Variants in UNC13B observed in about 807,000 individuals in gnomAD.
UNC13B encodes the protein unc-13 homolog B.
Under a neutral mutation model 211.0 loss-of-function variants are expected in UNC13B, and 144 were observed. That is an observed-to-expected ratio of 0.68 (90% confidence interval 0.60 to 0.78). The LOEUF (loss-of-function observed/expected upper bound fraction) is 0.78. UNC13B is among the 30% of genes least tolerant of loss of function. UNC13B has a pLI of 0.00. For missense variants in UNC13B, 1,777 were observed against 2,002.0 expected, an observed-to-expected ratio of 0.89 and a Z score of 2.14; for synonymous variants, 709 against 725.8, an observed-to-expected ratio of 0.98 and a Z score of 0.37.
At chr9:35,362,614 C>A (rs1178001675) in intron 11 of UNC13B, among the ~76,000 whole-genome samples, 1 of 152,076 alleles carries the variant, frequency 6.6e-6, no homozygotes, top group Non-Finnish European at 1.5e-5. Flanking sequence ...TCAAGACCAT[C>A]CTGGCTAACA....
intron 11 of UNC13B, among the ~76,000 whole-genome samples, chr9:35,330,463 C>T (rs138557895): frequency 7.2e-5 from 11 of 152,178 alleles, no homozygotes; most frequent in African/African-American, 2.4e-4. Context: ...GGATCTAGGC[C>T]ACCAGGTCTC....
chr9:35,184,198 C>T (rs139668256), intron 1 of UNC13B, among the ~76,000 whole-genome samples: 27,799 of 144,810 alleles, frequency 0.19, 2,831 homozygotes, highest in Non-Finnish European at 0.25. Flanking sequence ...ACAGGGCGGC[C>T]GGGCAGAGGC....
chr9:35,236,408 G>C, intron 3 of UNC13B, 61 bp from the exon 4 acceptor site: 1 of 1,325,272 alleles, frequency 7.5e-7, no homozygotes, highest in Non-Finnish European at 1.1e-6. Flanking sequence ...CAAAACAGGA[G>C]ATGTAGTTGT....
Position 35,182,116 on chromosome 9 carries a change from T to A in UNC13B, c.22+19811T>A, listed in dbSNP as rs370558799. On this transcript the variant is annotated intron_variant, in intron 1 of 39. Coordinates refer to ENST00000635942, the MANE Select transcript of UNC13B (RefSeq NM_001371189.2). ...ATTTTTGAATACTACTTCTTTTACA[T>A]TTGTTCCTATATCATCTTCAGTAAC... 1.1e-4 allele frequency among the ~76,000 whole-genome samples: 16 copies of A among 152,346 alleles called. No homozygotes were observed. In the South Asian group the frequency reaches 3.3e-3, roughly 32 times the overall value.
intron 1 of UNC13B, among the ~76,000 whole-genome samples, chr9:35,169,870 A>G (rs1344103195): frequency 6.6e-6 from 1 of 152,180 alleles, no homozygotes; most frequent in Admixed American, 6.5e-5. Flanking sequence ...TGTGCTGTGT[A>G]TTTCAGACTT....
At chr9:35,299,037 G>A (rs1345750527) in intron 8 of UNC13B, among the ~76,000 whole-genome samples, 2 of 152,132 alleles carry the variant, frequency 1.3e-5, no homozygotes, top group Non-Finnish European at 2.9e-5. Context: ...TTCAAGACCA[G>A]CCTGGCCAAC....
At chr9:35,228,649 C>T (rs1825005503) in intron 2 of UNC13B, among the ~76,000 whole-genome samples, 1 of 151,358 alleles carries the variant, frequency 6.6e-6, no homozygotes, top group Admixed American at 6.6e-5. Flanking sequence ...TTCAAATAGA[C>T]CATGTGAAAC....
chr9:35,337,190 G>A (rs1264121254), intron 11 of UNC13B, among the ~76,000 whole-genome samples: 2 of 152,102 alleles, frequency 1.3e-5, no homozygotes, highest in African/African-American at 2.4e-5. Flanking sequence ...TGTGCATCAC[G>A]GATCAAGGGT....
intron 1 of UNC13B, among the ~76,000 whole-genome samples, chr9:35,187,514 CTT>C (rs1440717995): frequency 6.6e-6 from 1 of 152,134 alleles, no homozygotes; most frequent in Non-Finnish European, 1.5e-5. Context: ...TCTCTCCAGT[CTT>C]TATTTTAGGT....
At position 35,192,942 on chromosome 9, in the gene UNC13B, G is replaced by T. The variant is rs144940019; in HGVS notation, c.22+30637G>T. 2.4e-4 allele frequency among the ~76,000 whole-genome samples: 37 copies of T among 152,260 alleles called. No homozygotes were observed. The East Asian group carries it at 6.2e-3, about 25-fold the overall frequency. ...GGAAAACAGTGGGGACGTCCCTCCT[G>T]CTGTTTTCCCTCTGCGGTTTCTGGG... On this transcript the variant is annotated intron_variant, in intron 1 of 39. Transcript: ENST00000635942.
chr9:35,399,236 G>C lies in UNC13B; in HGVS notation c.12150G>C (p.Met4050Ile). ...TGAAGGAGCTCTGGCGCGTGGTGAT[G>C]AACACAATGGAGAGGATGATTGTTC... ...RVLKELWRVVMNTMERMIVLP... is the reference protein window; with the variant it reads ...RVLKELWRVVINTMERMIVLP... The change falls in exon 34 of 40, where the codon ATG becomes ATC. Residue 4050 changes from methionine to isoleucine, a missense_variant. Transcript: ENST00000635942. 1 of 1,614,142 alleles carries C rather than the reference G, an allele frequency of 6.2e-7. No individual in the cohort carries two copies.
intron 6 of UNC13B, among the ~76,000 whole-genome samples, 172 bp from the exon 7 acceptor site, chr9:35,258,821 C>T (rs1005777872): frequency 5.3e-5 from 8 of 152,202 alleles, no homozygotes; most frequent in Admixed American, 5.2e-4. Context: ...ATAGTCTGGC[C>T]TATATGTCAA....
chr9:35,276,401 CTTGAGTACAATAGAAAT>C (rs1828179286), intron 7 of UNC13B, among the ~76,000 whole-genome samples: 2 of 151,910 alleles, frequency 1.3e-5, no homozygotes, highest in Non-Finnish European at 2.9e-5. Context: ...AAATCCTGGC[CTTGAGTACAATAGAAAT>C]GTTTCCTCTG....
chr9:35,386,251 C>T lies in UNC13B; in HGVS notation c.11052C>T (p.Ile3684=), dbSNP rs754031338. ...KACLNSTYEY[I]FNNCHDLYSR... ...GTTTGAACTCCACATATGAATATAT[C>T]TTCAACAACTGCCACGACTTATACA... Residue 3684 remains isoleucine, a synonymous_variant, in exon 24 of 40, where the codon ATC becomes ATT. Transcript: ENST00000635942. 3 of 1,614,172 alleles carry T rather than the reference C, an allele frequency of 1.9e-6. No individual in the cohort carries two copies. Among genetic ancestry groups the T allele is most frequent in the Admixed American group, 1.7e-5 (1 of 60,024 alleles).
At chr9:35,205,575 G>C (rs1371750135) in intron 1 of UNC13B, among the ~76,000 whole-genome samples, 1 of 151,970 alleles carries the variant, frequency 6.6e-6, no homozygotes, top group Non-Finnish European at 1.5e-5. Flanking sequence ...CCTCCAACTG[G>C]GAAACCACGA....
chr9:35,378,999 G>A (rs1564180858), intron 17 of UNC13B, among the ~76,000 whole-genome samples: 1 of 152,134 alleles, frequency 6.6e-6, no homozygotes, highest in Admixed American at 6.5e-5. Context: ...TCTTATGACA[G>A]TAAAGGATGG....
chr9:35,367,850 G>A (rs145415942), intron 12 of UNC13B, among the ~76,000 whole-genome samples: 26 of 152,280 alleles, frequency 1.7e-4, no homozygotes, highest in Non-Finnish European at 3.5e-4. Flanking sequence ...AGAGAAGAGA[G>A]TTCAAGTACC....
chr9:35,314,026 T>A (rs747812659), intron 11 of UNC13B, 37 bp downstream of exon 11: 1 of 1,552,506 alleles, frequency 6.4e-7, no homozygotes, highest in South Asian at 1.1e-5. Flanking sequence ...GGGACAATTT[T>A]TCCTTTGAAA....
intron 1 of UNC13B, among the ~76,000 whole-genome samples, chr9:35,186,348 C>T (rs745710427): frequency 1.3e-5 from 2 of 152,192 alleles, no homozygotes; most frequent in African/African-American, 2.4e-5. Context: ...TTCAACTCTT[C>T]AGGCAGGGCT....
Sources: allele counts gnomAD v4.1 joint callset (sites outside exome capture counted in the v4.1 genomes callset), GRCh38; gene constraint gnomAD v4.1.1; transcripts MANE v1.5; gene names NCBI Gene and HGNC (gene_info 2026-07-23, HGNC 2026-07-21).